ATE1: variants seen among roughly 807,000 people sequenced by gnomAD.
ATE1 encodes arginyltransferase 1, also known as arginyl-tRNA--protein transferase 1.
A neutral mutation model predicts 70.5 loss-of-function variants in ATE1; 36 were observed. The ratio of observed to expected loss-of-function variants is 0.51; its 90% CI spans 0.39 to 0.67. The LOEUF (loss-of-function observed/expected upper bound fraction) is 0.67. Ranked by LOEUF, ATE1 falls within the 30% of genes least tolerant of loss-of-function variation. The pLI is 0.00. For synonymous variants in ATE1, 232 were observed against 219.3 expected (o/e 1.06, Z -0.51); for missense variants, 593 against 629.5 (o/e 0.94, Z 0.62).
At chr10:121,745,721 T>C (rs957501145) in intron 11 of ATE1, among the ~76,000 whole-genome samples, 17 of 113,062 alleles carry the variant, frequency 1.5e-4, no homozygotes, top group Middle Eastern at 4.6e-3. Flanking sequence ...AGCAAGACTC[T>C]GTCTCAAAAC....
intron 10 of ATE1, among the ~76,000 whole-genome samples, chr10:121,826,016 C>T (rs1051917050): frequency 2.6e-5 from 4 of 152,142 alleles, no homozygotes; most frequent in East Asian, 1.9e-4. Flanking sequence ...ACATATGTGA[C>T]AACATGAATG....
chr10:121,809,075 GCAT>G (rs1181354413), intron 10 of ATE1, among the ~76,000 whole-genome samples: 1 of 152,270 alleles, frequency 6.6e-6, no homozygotes, highest in East Asian at 1.9e-4. Flanking sequence ...ATGTTTTCTA[GCAT>G]CACCACTGAT....
chr10:121,820,444 G>A (rs996740407), intron 10 of ATE1, among the ~76,000 whole-genome samples: 3 of 152,156 alleles, frequency 2.0e-5, no homozygotes, highest in Admixed American at 6.5e-5. Context: ...GGACGTGACT[G>A]GCAAATACGT....
chr10:121,922,672 C>T (rs1174918039), intron 2 of ATE1, among the ~76,000 whole-genome samples: 3 of 152,122 alleles, frequency 2.0e-5, no homozygotes, highest in Admixed American at 1.3e-4. Flanking sequence ...CATCTGCCAC[C>T]CCTGCTCTGC....
At position 121,753,167 on chromosome 10, in the gene ATE1, T is replaced by C. The variant is rs192656597; in HGVS notation, c.1379-9309A>G. On this transcript the variant is annotated intron_variant, in intron 11 of 11. Transcript: ENST00000224652. ...CACTGTTTAAGTGTGTAGGATAAAATTGATTTCTGTGTATGCTGAACTCAT... is the reference window on the plus strand; with the variant it reads ...CACTGTTTAAGTGTGTAGGATAAAACTGATTTCTGTGTATGCTGAACTCAT... 9.5e-4 allele frequency among the ~76,000 whole-genome samples: 145 copies of C among 152,350 alleles called. 1 individual carries two copies. The highest frequency in any genetic ancestry group is 3.2e-3 in the African/African-American group (134 of 41,584).
chr10:121,920,733 G>A lies in ATE1; in HGVS notation c.233+1616C>T, dbSNP rs147907818. ...CTCTGGGCCAGGTGCAGTGGCTCAC[G>A]CCTGTAATATCAGCACTTTGGGAGG... is the stretch of plus-strand genomic sequence containing the variant. On this transcript the variant is annotated intron_variant, in intron 3 of 11. Transcript: ENST00000224652. 2.1e-3 allele frequency among the ~76,000 whole-genome samples: 315 copies of A among 151,932 alleles called. 2 individuals carry two copies. The highest frequency in any genetic ancestry group is 7.2e-3 in the African/African-American group (300 of 41,444).
At chr10:121,761,673 G>A (rs1307117451) in intron 11 of ATE1, among the ~76,000 whole-genome samples, 1 of 152,014 alleles carries the variant, frequency 6.6e-6, no homozygotes, top group African/African-American at 2.4e-5. Context: ...CTCTGAAGAG[G>A]ATCCCCTTTC....
chr10:121,846,988 T>A (rs1211133078), intron 8 of ATE1, among the ~76,000 whole-genome samples: 5 of 152,176 alleles, frequency 3.3e-5, no homozygotes, highest in Non-Finnish European at 7.3e-5. Context: ...CAATATTCTG[T>A]CTAACATGCT....
rs958173314 is a variant in ATE1 at position 121,743,745 on chromosome 10, C to T, written c.1492G>A (p.Val498Ile). 2 of 1,614,124 alleles carry T rather than the reference C, an allele frequency of 1.2e-6. No individual in the cohort carries two copies. The highest frequency in any genetic ancestry group is 2.7e-5 in the African/African-American group (2 of 75,042). The part of the protein sequence containing the change: ...QQKDPSEEAA[V>I]LQYASLVGQK... ...CCCACCAGGCTGGCGTACTGCAGAA[C>T]AGCAGCCTCCTCACTTGGGTCTTTC... is the stretch of plus-strand genomic sequence containing the variant. The change falls in exon 12 of 12, where the codon GTT (valine) becomes ATT (isoleucine). Residue 498 changes from valine (V) to isoleucine (I), a missense_variant. Physicochemically the swap from Val to Ile is conservative, Grantham distance 29. Coordinates refer to ENST00000224652, the MANE Select transcript of ATE1 (RefSeq NM_001001976.3).
chr10:121,846,432 G>T (rs1948825256), intron 8 of ATE1, among the ~76,000 whole-genome samples: 1 of 152,140 alleles, frequency 6.6e-6, no homozygotes, highest in Admixed American at 6.5e-5. Flanking sequence ...CTACTTAAGT[G>T]CAGGCTGCAC....
intron 7 of ATE1, among the ~76,000 whole-genome samples, chr10:121,886,208 A>G (rs1950391992): frequency 6.6e-6 from 1 of 151,966 alleles, no homozygotes; most frequent in South Asian, 2.1e-4. Flanking sequence ...TATAACTTCA[A>G]TGAGTATGAG....
At chr10:121,813,837 C>A (rs1445509533) in intron 10 of ATE1, among the ~76,000 whole-genome samples, 1 of 152,184 alleles carries the variant, frequency 6.6e-6, no homozygotes, top group Non-Finnish European at 1.5e-5. Flanking sequence ...ATCTGGATAC[C>A]TTTTGATTCA....
intron 4 of ATE1, among the ~76,000 whole-genome samples, chr10:121,912,521 G>A (rs1051849695): frequency 6.6e-6 from 1 of 151,460 alleles, no homozygotes; most frequent in Non-Finnish European, 1.5e-5. Context: ...ATGTGGTGGC[G>A]GGTGCCTGTG....
intron 8 of ATE1, among the ~76,000 whole-genome samples, chr10:121,859,091 G>A (rs1013142218): frequency 2.6e-5 from 4 of 151,232 alleles, no homozygotes; most frequent in African/African-American, 4.9e-5. Context: ...GCAAAACTCC[G>A]TCTCCAAAAA....
chr10:121,907,731 T>C (rs186416063), intron 5 of ATE1, among the ~76,000 whole-genome samples: 91 of 151,602 alleles, frequency 6.0e-4, no homozygotes, highest in African/African-American at 2.0e-3. Context: ...ATCGCACTAC[T>C]GCACTCCAGC....
intron 8 of ATE1, among the ~76,000 whole-genome samples, chr10:121,859,358 G>A (rs1339477914): frequency 1.3e-5 from 2 of 150,366 alleles, no homozygotes; most frequent in African/African-American, 2.4e-5. Context: ...CCGGGTTCAC[G>A]CCATTCTCCT....
At chr10:121,852,591 A>T (rs1376279584) in intron 8 of ATE1, among the ~76,000 whole-genome samples, 1 of 151,948 alleles carries the variant, frequency 6.6e-6, no homozygotes, top group African/African-American at 2.4e-5. Flanking sequence ...GGTGTCTGTA[A>T]TCCCAGCTAC....
intron 8 of ATE1, among the ~76,000 whole-genome samples, chr10:121,853,623 A>G (rs1169197593): frequency 6.6e-6 from 1 of 152,218 alleles, no homozygotes; most frequent in Non-Finnish European, 1.5e-5. Context: ...CTTAATGTGT[A>G]ATTATTAAAT....
chr10:121,836,674 A>AT (rs1948444544), intron 10 of ATE1, 44 bp downstream of exon 10: 1 of 1,286,692 alleles, frequency 7.8e-7, no homozygotes, highest in African/African-American at 1.5e-5. Context: ...TGAGAGATTC[A>AT]TTTTTCTATA....
Sources: allele counts gnomAD v4.1 joint callset (sites outside exome capture counted in the v4.1 genomes callset), GRCh38; gene constraint gnomAD v4.1.1; transcripts MANE v1.5; gene names NCBI Gene and HGNC (gene_info 2026-07-23, HGNC 2026-07-21).